DMD: variants seen among roughly 807,000 people sequenced by gnomAD.
The protein encoded by DMD is mutant dystrophin.
A neutral mutation model predicts 330.1 loss-of-function variants in DMD; 63 were observed. That is an observed-to-expected ratio of 0.19 (90% confidence interval 0.16 to 0.24). The LOEUF is 0.24. DMD is among the 10% of genes least tolerant of loss of function. The pLI, the probability that DMD is intolerant of heterozygous loss-of-function variation, is 1.00. For synonymous variants in DMD, 1,223 were observed against 959.8 expected (o/e 1.27, Z -5.07); for missense variants, 3,344 against 2,684.1 (o/e 1.25, Z -5.43).
intron 1 of DMD, among the ~76,000 whole-genome samples, chrX:33,337,263 T>G (rs1023892434): frequency 2.7e-5 from 3 of 110,601 alleles, no homozygotes; most frequent in Non-Finnish European, 5.7e-5. Flanking sequence ...TGTAAAAGAG[T>G]TTTTACAGTC....
intron 43 of DMD, among the ~76,000 whole-genome samples, chrX:32,278,173 C>T (rs1040526283): frequency 8.1e-5 from 9 of 111,010 alleles, no homozygotes; most frequent in Non-Finnish European, 1.5e-4. Context: ...TTAGTGGCTA[C>T]TATGAGCAAC....
chrX:32,507,330 T>G (rs942449567), intron 18 of DMD, among the ~76,000 whole-genome samples: 5 of 111,921 alleles, frequency 4.5e-5, no homozygotes, highest in African/African-American at 1.6e-4. Flanking sequence ...TACATTGAGC[T>G]TTTGCTTTAG....
intron 75 of DMD, 104 bp downstream of exon 75, chrX:31,147,171 T>A (rs2036815552): frequency 9.1e-7 from 1 of 1,095,027 alleles, no homozygotes; most frequent in Non-Finnish European, 1.3e-6. Context: ...TACCAAGCAC[T>A]TAAGAATTGA....
intron 65 of DMD, among the ~76,000 whole-genome samples, chrX:31,208,525 G>A (rs1012175436): frequency 6.3e-5 from 7 of 111,760 alleles, no homozygotes; most frequent in Admixed American, 3.8e-4. Context: ...ATTGAAATCC[G>A]ACATGTTCAA....
intron 9 of DMD, among the ~76,000 whole-genome samples, chrX:32,695,177 G>A (rs963815282): frequency 3.6e-5 from 4 of 111,915 alleles, no homozygotes; most frequent in Admixed American, 1.9e-4. Flanking sequence ...AAGAATCACC[G>A]TCGAGAAAGT....
In DMD at chrX:31,169,291, A is replaced by G. The variant is rs986320628; in HGVS notation, c.10553+152T>C. 1.5e-4 allele frequency: 69 copies of G among 448,513 alleles called. 1 individual carries two copies. The highest frequency in any genetic ancestry group is 2.4e-4 in the Non-Finnish European group (64 of 263,559). The allele number at this position is 448,513 out of a possible 1,213,427, so 37.0% of individuals were successfully genotyped here. On this transcript the variant is annotated intron_variant, in intron 74 of 78. Coordinates refer to ENST00000357033, the MANE Select transcript of DMD (RefSeq NM_004006.3). ...CTTCTTTCAGATAACAAAAAAAAAA[A>G]AGAGAGAGAGAATCTGCAAATGGAG...
intron 60 of DMD, among the ~76,000 whole-genome samples, chrX:31,413,647 C>T (rs993584120): frequency 8.9e-6 from 1 of 112,130 alleles, no homozygotes; most frequent in Non-Finnish European, 1.9e-5. Flanking sequence ...CTGTGGTTAG[C>T]ACCACAAAAC....
chrX:32,214,654 G>A (rs145886759), intron 44 of DMD, among the ~76,000 whole-genome samples: 90 of 111,524 alleles, frequency 8.1e-4, no homozygotes, highest in African/African-American at 2.9e-3. Context: ...CCTCAGTAGT[G>A]GGGAAAAAGT....
intron 43 of DMD, among the ~76,000 whole-genome samples, chrX:32,238,561 T>A (rs1569552527): frequency 1.8e-5 from 2 of 111,365 alleles, no homozygotes; most frequent in African/African-American, 3.3e-5. Flanking sequence ...GGAAATGACA[T>A]ATCATCACAA....
chrX:33,320,469 G>A (rs954675820), intron 1 of DMD, among the ~76,000 whole-genome samples: 1 of 112,040 alleles, frequency 8.9e-6, no homozygotes, highest in African/African-American at 3.2e-5. Flanking sequence ...GCCTAAGTGT[G>A]CAAAGCATTA....
chrX:31,288,268 T>C (rs760783718), intron 62 of DMD, among the ~76,000 whole-genome samples: 11 of 111,648 alleles, frequency 9.9e-5, no homozygotes, highest in Admixed American at 9.5e-4. Context: ...ACGCCAGTAT[T>C]TTTGGGTTTT....
chrX:31,865,363 C>T (rs1305763067), intron 48 of DMD, among the ~76,000 whole-genome samples: 1 of 112,090 alleles, frequency 8.9e-6, no homozygotes, highest in East Asian at 2.8e-4. Context: ...TTTCAGGACA[C>T]ATTCCACTGA....
At chrX:32,409,116 C>A (rs1421716573) in intron 30 of DMD, among the ~76,000 whole-genome samples, 1 of 111,403 alleles carries the variant, frequency 9.0e-6, no homozygotes, top group Non-Finnish European at 1.9e-5. Flanking sequence ...ATCTGAGTAC[C>A]TGAGAACTCT....
chrX:32,301,193 C>A (rs2097522263), intron 42 of DMD, among the ~76,000 whole-genome samples: 1 of 78,083 alleles, frequency 1.3e-5, no homozygotes, highest in African/African-American at 4.7e-5. Context: ...CTCTTTCATA[C>A]AATTGTTCTG....
intron 46 of DMD, 21 bp downstream of exon 46, chrX:31,932,059 G>T: frequency 8.3e-7 from 1 of 1,208,625 alleles, no homozygotes; most frequent in Non-Finnish European, 1.1e-6. Flanking sequence ...GGCCCTGGGG[G>T]ATTTGAGAAA....
chrX:32,336,006 TTATATATAACG>T (rs1381693046), intron 41 of DMD, among the ~76,000 whole-genome samples: 2 of 92,032 alleles, frequency 2.2e-5, no homozygotes, highest in Non-Finnish European at 4.4e-5. Context: ...ATATATAACG[TTATATATAACG>T]TGTATATATA....
chrX:33,074,371 C>G (rs1489455847), intron 1 of DMD, among the ~76,000 whole-genome samples: 1 of 110,934 alleles, frequency 9.0e-6, no homozygotes, highest in Admixed American at 9.7e-5. Flanking sequence ...CTCAATTAAA[C>G]TCCTTTAACT....
chrX:33,054,637 A>G lies in DMD; in HGVS notation c.32-34437T>C, dbSNP rs775946024. On this transcript the variant is annotated intron_variant, in intron 1 of 78. Transcript: ENST00000357033. ...AACCGCAGAAGGTTTTCTAGGGGGA[A>G]GATGACACAATCGAATATGCTTTTT... Among the ~76,000 whole-genome samples the G allele has an allele frequency of 7.1e-5, 8 of 112,440 alleles. No individual in the cohort carries two copies. In the South Asian group the frequency reaches 2.9e-3, roughly 41 times the overall value.
chrX:32,919,467 A>G (rs534383112), intron 2 of DMD, among the ~76,000 whole-genome samples: 1 of 112,333 alleles, frequency 8.9e-6, no homozygotes, highest in South Asian at 3.7e-4. Flanking sequence ...CACTCATGCC[A>G]TAAATGTAAG....
Sources: gnomAD v4.1 joint callset for allele counts (sites outside exome capture counted in the v4.1 genomes callset) on GRCh38, gnomAD v4.1.1 for gene constraint, MANE v1.5 for transcripts, NCBI Gene and HGNC (gene_info 2026-07-23, HGNC 2026-07-21) for gene names.